COG6: variants seen among roughly 807,000 people sequenced by gnomAD.
The protein encoded by COG6 is conserved oligomeric Golgi complex subunit 6.
COG6 carries 74 observed loss-of-function variants against 88.8 expected under a neutral mutation model. That is an observed-to-expected ratio of 0.83 (90% CI 0.69 to 1.01). COG6 has a LOEUF of 1.01. Among genes scored for constraint, COG6 ranks in the 50% least tolerant of loss-of-function variants. COG6 has a pLI of 0.00. For synonymous variants in COG6, 286 were observed against 278.7 expected (o/e 1.03, Z -0.26); for missense variants, 800 against 797.9 (o/e 1.00, Z -0.03).
intron 18 of COG6, among the ~76,000 whole-genome samples, chr13:39,766,876 A>G (rs1008537922): frequency 1.3e-5 from 2 of 152,248 alleles, no homozygotes; most frequent in Non-Finnish European, 2.9e-5. Context: ...TCAACAGAGT[A>G]TTTAATCATG....
At chr13:39,729,615 C>T (rs1158607760) in intron 18 of COG6, among the ~76,000 whole-genome samples, 2 of 151,976 alleles carry the variant, frequency 1.3e-5, no homozygotes, top group African/African-American at 2.4e-5. Context: ...ATGGAAATGG[C>T]AAGTAAATAT....
chr13:39,779,130 C>T (rs527814769), intron 18 of COG6, among the ~76,000 whole-genome samples: 1 of 152,146 alleles, frequency 6.6e-6, no homozygotes, highest in Non-Finnish European at 1.5e-5. Flanking sequence ...GCTTTATGCT[C>T]CAATTTTTTC....
intron 4 of COG6, among the ~76,000 whole-genome samples, chr13:39,672,929 A>G (rs553032529): frequency 5.9e-5 from 9 of 152,182 alleles, no homozygotes; most frequent in Non-Finnish European, 4.4e-5. Flanking sequence ...TAGCCATGCT[A>G]CTGGGTGTGA....
chr13:39,774,081 G>A (rs1179610587), intron 18 of COG6, among the ~76,000 whole-genome samples: 1 of 152,036 alleles, frequency 6.6e-6, no homozygotes, highest in Admixed American at 6.6e-5. Flanking sequence ...CTGCTTCCCT[G>A]ACTATGTTTA....
At chr13:39,734,491 A>C (rs1208866962) in intron 18 of COG6, among the ~76,000 whole-genome samples, 1 of 152,096 alleles carries the variant, frequency 6.6e-6, no homozygotes. Flanking sequence ...TTTTAAAAAA[A>C]TTTTATGGAC....
chr13:39,746,843 T>A (rs1266249707), intron 18 of COG6, among the ~76,000 whole-genome samples: 1 of 152,200 alleles, frequency 6.6e-6, no homozygotes, highest in East Asian at 1.9e-4. Context: ...GAAACATTCA[T>A]TTATATACAA....
intron 18 of COG6, among the ~76,000 whole-genome samples, chr13:39,758,787 C>A (rs968582110): frequency 8.5e-5 from 13 of 152,122 alleles, no homozygotes; most frequent in Non-Finnish European, 1.2e-4. Flanking sequence ...ATATTCATGG[C>A]AGCACTTATA....
At chr13:39,698,779 CT>C (rs779672677) in intron 12 of COG6, among the ~76,000 whole-genome samples, 18 of 151,814 alleles carry the variant, frequency 1.2e-4, no homozygotes, top group Non-Finnish European at 2.4e-4. Context: ...AACTTTTCCC[CT>C]AGAAGGTTGT....
intron 11 of COG6, among the ~76,000 whole-genome samples, chr13:39,694,085 A>G (rs9548885): frequency 0.73 from 110,414 of 151,702 alleles, 40,404 homozygotes; most frequent in Admixed American, 0.82. Context: ...TCTTGAGGCA[A>G]ATCAAATTAA....
rs79480494 is a variant in COG6, at chr13:39,660,712, A to G, written c.298-98A>G. 3 of 832,144 alleles carry G rather than the reference A, an allele frequency of 3.6e-6. No homozygotes were observed. In the Admixed American group the frequency reaches 6.0e-5, roughly 17 times the overall value. The allele number at this position is 832,144 out of a possible 1,614,324, so 51.5% of individuals were successfully genotyped here. ...CTCTTGTCATGCCTTGACCAAAAAA[A>G]TAAAAAATTATGTAACTAAAATAAG... is the stretch of plus-strand genomic sequence containing the variant. On this transcript the variant is annotated intron_variant, in intron 2 of 18. Coordinates refer to ENST00000455146, the MANE Select transcript of COG6 (RefSeq NM_020751.3).
At chr13:39,673,931 G>C (rs907732398) in intron 4 of COG6, among the ~76,000 whole-genome samples, 2 of 151,784 alleles carry the variant, frequency 1.3e-5, no homozygotes, top group Non-Finnish European at 2.9e-5. Context: ...TCTCAAAAAA[G>C]ATTATCACAA....
At position 39,751,170 on chromosome 13, in the gene COG6, A is replaced by G; in HGVS notation, c.*77A>G. On this transcript the variant is annotated 3_prime_UTR_variant, in exon 19 of 19. Transcript: ENST00000455146. ...GTTATTTTTTATTCTTTGAATTTTT[A>G]CTCTATAATTTGATAGTTACAGTTT... 1 of 1,571,674 alleles carries G rather than the reference A, an allele frequency of 6.4e-7. No individual in the cohort carries two copies. The highest frequency in any genetic ancestry group is 8.6e-7 in the Non-Finnish European group (1 of 1,157,168).
In COG6 at chr13:39,655,688, C is replaced by T. The variant is rs1336878712; in HGVS notation, c.-39C>T. ...CTCGCGCTGCCTCCGTGGTCCCTGC[C>T]TGGCTGAGGTGGCAGCAGGGGGCGG... is the stretch of plus-strand genomic sequence containing the variant. On this transcript the variant is annotated 5_prime_UTR_variant, in exon 1 of 19. Coordinates refer to ENST00000455146, the MANE Select transcript of COG6 (RefSeq NM_020751.3). 2 of 1,556,096 alleles carry T rather than the reference C, an allele frequency of 1.3e-6. No homozygotes were observed. Among genetic ancestry groups the T allele is most frequent in the East Asian group, 2.4e-5 (1 of 41,432 alleles).
chr13:39,764,645 A>T (rs908689587), intron 18 of COG6, among the ~76,000 whole-genome samples: 1 of 152,008 alleles, frequency 6.6e-6, no homozygotes, highest in Non-Finnish European at 1.5e-5. Flanking sequence ...ATTACTTAGA[A>T]ATATATTTTC....
At chr13:39,723,602 G>A (rs1455031637) in intron 16 of COG6, among the ~76,000 whole-genome samples, 162 bp downstream of exon 16, 2 of 151,994 alleles carry the variant, frequency 1.3e-5, no homozygotes, top group African/African-American at 4.8e-5. Context: ...TGGATTGGGG[G>A]TAATAATAGT....
exon 19 of COG6, chr13:39,791,206 A>G (rs747748673): frequency 6.6e-6 from 1 of 152,070 alleles, no homozygotes; most frequent in Non-Finnish European, 1.5e-5. Context: ...AGATAGACAT[A>G]TATGTGTGAT....
rs1170581715 is a variant in COG6, at chr13:39,699,599, C to A, written c.1265C>A (p.Ala422Glu). Residue 422 changes from alanine to glutamate, a missense_variant, in exon 13 of 19, where the codon GCA (alanine) becomes GAA (glutamate). Transcript: ENST00000455146. ...TTCTTCAATAGCTTGAGTCTTCATG[C>A]AAGTAAATTAATGGACAAGGTATGT... Reference protein sequence around the residue: ...KIFFNSLSLHASKLMDKVELP... With the variant: ...KIFFNSLSLHESKLMDKVELP... 7 of 1,465,596 alleles carry A rather than the reference C, an allele frequency of 4.8e-6. No homozygotes were observed. Among genetic ancestry groups the A allele is most frequent in the Admixed American group, 1.7e-5 (1 of 59,456 alleles). 90.8% of individuals were successfully genotyped at this position (1,465,596 alleles called of 1,614,324 possible). A position where few individuals can be genotyped will look rare whatever the true frequency, so the allele number is the denominator to read the frequency against.
intron 13 of COG6, among the ~76,000 whole-genome samples, chr13:39,700,921 G>C (rs1033952889): frequency 6.6e-6 from 1 of 151,866 alleles, no homozygotes; most frequent in Admixed American, 6.6e-5. Context: ...GGAGTGCATA[G>C]AGGTCATCTT....
At chr13:39,730,790 A>AAAAAAAAAAAAAAAAAAG (rs1593458297) in intron 18 of COG6, among the ~76,000 whole-genome samples, 1 of 149,420 alleles carries the variant, frequency 6.7e-6, no homozygotes, top group Non-Finnish European at 1.5e-5. Context: ...AAAAAAAAAA[A>AAAAAAAAAAAAAAAAAAG]AAAAAAAAAG....
Sources: gnomAD v4.1 joint callset for allele counts (sites outside exome capture counted in the v4.1 genomes callset) on GRCh38, gnomAD v4.1.1 for gene constraint, MANE v1.5 for transcripts, NCBI Gene and HGNC (gene_info 2026-07-23, HGNC 2026-07-21) for gene names.